The following FNDC3A variants were observed in gnomAD, a reference collection of about 807,000 sequenced individuals.
FNDC3A encodes fibronectin type III domain containing 3A.
A neutral mutation model predicts 148.9 loss-of-function variants in FNDC3A; 32 were observed. The observed-to-expected ratio is 0.21, with a 90% CI of 0.16 to 0.29. The LOEUF (loss-of-function observed/expected upper bound fraction) is 0.29. Ranked by LOEUF, FNDC3A falls within the 10% of genes least tolerant of loss-of-function variation. FNDC3A has a pLI of 1.00. For missense variants in FNDC3A, 1,191 were observed against 1,452.8 expected, an observed-to-expected ratio of 0.82 and a Z score of 2.93; for synonymous variants, 472 against 473.6, an observed-to-expected ratio of 1.00 and a Z score of 0.04.
At chr13:49,052,079 C>T (rs1014109851) in intron 2 of FNDC3A, among the ~76,000 whole-genome samples, 1 of 152,190 alleles carries the variant, frequency 6.6e-6, no homozygotes, top group South Asian at 2.1e-4. Context: ...ATTTTTCTTT[C>T]ATATCCTGTA....
chr13:49,083,085 C>A (rs1376568354), intron 3 of FNDC3A, among the ~76,000 whole-genome samples: 1 of 152,106 alleles, frequency 6.6e-6, no homozygotes, highest in Non-Finnish European at 1.5e-5. Flanking sequence ...AGGAAGTCAT[C>A]ATCAATGCTG....
chr13:49,173,843 T>C (rs1884888961), intron 11 of FNDC3A, among the ~76,000 whole-genome samples: 1 of 152,208 alleles, frequency 6.6e-6, no homozygotes, highest in Non-Finnish European at 1.5e-5. Flanking sequence ...AACTTACCCA[T>C]TTTAGTTACC....
At chr13:49,198,608 C>A in intron 23 of FNDC3A, 34 bp downstream of exon 23, 1 of 1,500,984 alleles carries the variant, frequency 6.7e-7, no homozygotes, top group South Asian at 1.1e-5. Flanking sequence ...TATATAGTTT[C>A]TTAGGTCTTA....
At chr13:49,063,605 A>G (rs188125644) in intron 2 of FNDC3A, among the ~76,000 whole-genome samples, 1 of 152,368 alleles carries the variant, frequency 6.6e-6, no homozygotes, top group East Asian at 1.9e-4. Context: ...TTGATTGGGT[A>G]TACATTATTC....
intron 2 of FNDC3A, chr13:49,044,716 T>C (rs1004191488): frequency 3.5e-6 from 1 of 284,264 alleles, no homozygotes; most frequent in African/African-American, 2.3e-5. Context: ...CTCATTTGAA[T>C]GGTTAACAGA....
At chr13:49,142,247 A>G (rs1463440029) in intron 7 of FNDC3A, among the ~76,000 whole-genome samples, 1 of 152,198 alleles carries the variant, frequency 6.6e-6, no homozygotes, top group Non-Finnish European at 1.5e-5. Flanking sequence ...CAAATTCTTA[A>G]TCTGCTTGTC....
chr13:49,001,311 C>T (rs1161727034), intron 1 of FNDC3A, among the ~76,000 whole-genome samples: 1 of 152,132 alleles, frequency 6.6e-6, no homozygotes, highest in Non-Finnish European at 1.5e-5. Flanking sequence ...TTAATCCCAT[C>T]ATCTTTGTAA....
At chr13:49,002,999 G>T (rs1232194483) in intron 1 of FNDC3A, among the ~76,000 whole-genome samples, 1 of 152,124 alleles carries the variant, frequency 6.6e-6, no homozygotes, top group Non-Finnish European at 1.5e-5. Context: ...TTTCATTTCT[G>T]TTCCATATGA....
At chr13:49,130,172 G>A (rs1881940187) in intron 4 of FNDC3A, among the ~76,000 whole-genome samples, 1 of 151,002 alleles carries the variant, frequency 6.6e-6, no homozygotes, top group African/African-American at 2.4e-5. Context: ...AGAGGAGTAA[G>A]TCTTGTCATT....
rs957147522 is a variant in FNDC3A, at chr13:49,042,232, T to G, written c.100-33057T>G. Among the ~76,000 whole-genome samples, 4 of 152,170 alleles carry G rather than the reference T, an allele frequency of 2.6e-5. No homozygotes were observed. The East Asian group carries it at 5.8e-4, about 22-fold the overall frequency. Reference sequence around the variant, plus strand: ...TCTACTTGCATCAAATCTCCAAGATTTGAGTATGTCCTTGGGACGAAAAAC... The same window carrying G: ...TCTACTTGCATCAAATCTCCAAGATGTGAGTATGTCCTTGGGACGAAAAAC... On this transcript the variant is annotated intron_variant, in intron 2 of 25. Coordinates refer to ENST00000492622, the MANE Select transcript of FNDC3A (RefSeq NM_001079673.2).
At chr13:49,179,988 T>C (rs1885224776) in intron 14 of FNDC3A, among the ~76,000 whole-genome samples, 2 of 152,230 alleles carry the variant, frequency 1.3e-5, no homozygotes, top group African/African-American at 4.8e-5. Flanking sequence ...ACTATATGTG[T>C]GTATATGTTT....
At chr13:49,167,100 C>A in intron 8 of FNDC3A, 144 bp from the exon 9 acceptor site, 1 of 492,710 alleles carries the variant, frequency 2.0e-6, no homozygotes, top group Non-Finnish European at 3.6e-6. Context: ...CTGCCAAATT[C>A]CATATTAGTG....
intron 1 of FNDC3A, 58 bp from the exon 2 acceptor site, chr13:49,006,094 A>G (rs545292178): frequency 6.9e-5 from 41 of 591,834 alleles, no homozygotes; most frequent in South Asian, 5.5e-4. Flanking sequence ...TGAATGTACA[A>G]TGTTTTACTG....
intron 2 of FNDC3A, among the ~76,000 whole-genome samples, chr13:49,013,409 G>A (rs1358824663): frequency 6.6e-6 from 1 of 151,244 alleles, no homozygotes; most frequent in Non-Finnish European, 1.5e-5. Context: ...TAAGTTTTAG[G>A]GTACATGTGC....
chr13:49,056,804 T>C (rs1457658630), intron 2 of FNDC3A, among the ~76,000 whole-genome samples: 1 of 152,244 alleles, frequency 6.6e-6, no homozygotes, highest in Non-Finnish European at 1.5e-5. Context: ...TATTATCTTA[T>C]ATTTTAAATT....
chr13:49,203,004 T>G (rs1446450577), intron 24 of FNDC3A, among the ~76,000 whole-genome samples, 153 bp from the exon 25 acceptor site: 1 of 152,246 alleles, frequency 6.6e-6, no homozygotes, highest in Non-Finnish European at 1.5e-5. Context: ...TTTTAACCTC[T>G]TTGGATGCAA....
At chr13:49,192,382 C>T (rs559173855) in intron 19 of FNDC3A, among the ~76,000 whole-genome samples, 30 of 152,270 alleles carry the variant, frequency 2.0e-4, no homozygotes, top group African/African-American at 6.3e-4. Context: ...GCAACCTCCG[C>T]CTCCTGGGCT....
intron 6 of FNDC3A, 148 bp from the exon 7 acceptor site, chr13:49,138,599 C>A: frequency 2.1e-6 from 1 of 485,784 alleles, no homozygotes. Context: ...GCTGAAGGGC[C>A]ACAAACTGCT....
rs1345238173 is a variant in FNDC3A, at chr13:49,187,179, A to G, written c.1814A>G (p.Glu605Gly). The stretch of plus-strand genomic sequence containing the variant: ...AATAAATATGTAGTGGAGATGGCAG[A>G]AGGTTCTAACGGTATGAATGGATAT... ...TINKYVVEMA[E>G]GSNGNKWEMI... The change falls in exon 16 of 26, where the codon GAA becomes GGA. Residue 605 changes from glutamate (E) to glycine (G), a missense_variant. Glu to Gly is a moderately conservative substitution (Grantham distance 98). Around this residue, in one of 3 missense-constraint regions of FNDC3A, gnomAD observed 751 missense variants for 944.0 expected, o/e 0.80. Coordinates refer to ENST00000492622, the MANE Select transcript of FNDC3A (RefSeq NM_001079673.2). 7 of 1,609,022 alleles carry G rather than the reference A, an allele frequency of 4.4e-6. No individual in the cohort carries two copies. The highest frequency in any genetic ancestry group is 6.0e-6 in the Non-Finnish European group (7 of 1,175,660).
Sources: gnomAD v4.1 joint callset for allele counts (sites outside exome capture counted in the v4.1 genomes callset) on GRCh38, gnomAD v4.1.1 for gene constraint, gnomAD v4.1.1 regional missense constraint, MANE v1.5 for transcripts, NCBI Gene and HGNC (gene_info 2026-07-23, HGNC 2026-07-21) for gene names.